The following FAM135B variants were observed in gnomAD, a reference collection of about 807,000 sequenced individuals.
FAM135B encodes family with sequence similarity 135 member B.
In FAM135B, 43 loss-of-function variants were observed where a neutral mutation model predicts 127.7. The ratio of observed to expected loss-of-function variants is 0.34; its 90% CI spans 0.26 to 0.43. The LOEUF (loss-of-function observed/expected upper bound fraction) is 0.43. FAM135B is among the 20% of genes least tolerant of loss of function. The pLI, the probability that FAM135B is intolerant of heterozygous loss-of-function variation, is 1.00. For synonymous variants in FAM135B, 670 were observed against 665.1 expected, an observed-to-expected ratio of 1.01 and a Z score of -0.11; for missense variants, 1,558 against 1,725.6, an observed-to-expected ratio of 0.90 and a Z score of 1.72.
chr8:138,132,856 A>T lies in FAM135B; in HGVS notation c.4016-58T>A. On this transcript the variant is annotated intron_variant, in intron 19 of 19. Coordinates refer to ENST00000395297, the MANE Select transcript of FAM135B (RefSeq NM_015912.4). This position sits in a 1 kb window ranked among gnomAD's most constrained non-coding sequence, Gnocchi z 4.5. ...TGCAGAAATTAGCAGTGGAATCTAG[A>T]GAACATCACTAGATGTGTGTCGAAA... The T allele has an allele frequency of 4.1e-6, 6 of 1,465,118 alleles. No individual in the cohort carries two copies. Among genetic ancestry groups the T allele is most frequent in the Non-Finnish European group, 5.7e-6 (6 of 1,045,890 alleles). 90.8% of individuals were successfully genotyped at this position (1,465,118 alleles called of 1,614,324 possible).
chr8:138,297,671 A>G (rs1825570815), intron 3 of FAM135B, among the ~76,000 whole-genome samples: 2 of 152,206 alleles, frequency 1.3e-5, no homozygotes, highest in African/African-American at 4.8e-5. Context: ...TGGGAGTATG[A>G]AGAGAAGGAG....
At chr8:138,426,418 T>C (rs954671903) in intron 1 of FAM135B, among the ~76,000 whole-genome samples, 1 of 151,614 alleles carries the variant, frequency 6.6e-6, no homozygotes, top group Admixed American at 6.6e-5. Context: ...TATTTAGCAA[T>C]ATCTACTAAA....
intron 1 of FAM135B, among the ~76,000 whole-genome samples, chr8:138,422,491 C>T (rs1834570684): frequency 6.6e-6 from 1 of 152,008 alleles, no homozygotes; most frequent in South Asian, 2.1e-4. Context: ...ATAAGACATA[C>T]CTGCAGCCAA....
intron 7 of FAM135B, among the ~76,000 whole-genome samples, chr8:138,207,717 T>C (rs1388801372): frequency 6.6e-6 from 1 of 152,174 alleles, no homozygotes; most frequent in African/African-American, 2.4e-5. Flanking sequence ...GGGACACCCA[T>C]TAGCATAATA....
At chr8:138,289,130 T>C (rs749757003) in intron 3 of FAM135B, among the ~76,000 whole-genome samples, 50 of 152,304 alleles carry the variant, frequency 3.3e-4, no homozygotes, top group Non-Finnish European at 5.4e-4. Context: ...TGGCCACAGG[T>C]CCAGTTTCTC....
At chr8:138,408,372 A>T (rs986979018) in intron 1 of FAM135B, among the ~76,000 whole-genome samples, 7 of 152,178 alleles carry the variant, frequency 4.6e-5, no homozygotes, top group African/African-American at 7.2e-5. Flanking sequence ...TTCACCTTGC[A>T]GTTTAATGTT....
chr8:138,148,392 A>G, intron 14 of FAM135B, 128 bp downstream of exon 14: 1 of 766,186 alleles, frequency 1.3e-6, no homozygotes, highest in East Asian at 2.9e-5. Context: ...GATTCATCAT[A>G]ATTACTGTCA....
chr8:138,232,579 G>A (rs1358888929), intron 7 of FAM135B, among the ~76,000 whole-genome samples: 1 of 152,080 alleles, frequency 6.6e-6, no homozygotes, highest in African/African-American at 2.4e-5. Context: ...TTATCTTGCA[G>A]GATTTTATTA....
chr8:138,311,771 G>T (rs1434925923), intron 2 of FAM135B, among the ~76,000 whole-genome samples: 1 of 152,094 alleles, frequency 6.6e-6, no homozygotes, highest in South Asian at 2.1e-4. Flanking sequence ...ACATACACTC[G>T]TAGAATGTTT....
intron 3 of FAM135B, among the ~76,000 whole-genome samples, chr8:138,297,705 G>A (rs1374395605): frequency 2.0e-5 from 3 of 152,194 alleles, no homozygotes; most frequent in Non-Finnish European, 4.4e-5. Context: ...CTGAGCAAAG[G>A]AAGGAATCTG....
chr8:138,186,913 C>T (rs1815635592), intron 9 of FAM135B, among the ~76,000 whole-genome samples: 1 of 152,162 alleles, frequency 6.6e-6, no homozygotes, highest in Non-Finnish European at 1.5e-5. Context: ...GCCCTGGGCC[C>T]ACCCCTTGGT....
chr8:138,245,516 C>T (rs539241043), intron 6 of FAM135B, among the ~76,000 whole-genome samples: 2 of 152,212 alleles, frequency 1.3e-5, no homozygotes, highest in East Asian at 1.9e-4. Flanking sequence ...TCCTTGCTGC[C>T]GCCATGTGCA....
At chr8:138,266,906 G>T (rs555582717) in intron 3 of FAM135B, among the ~76,000 whole-genome samples, 38 of 151,720 alleles carry the variant, frequency 2.5e-4, no homozygotes, top group Admixed American at 7.9e-4. Flanking sequence ...TTATAATAGG[G>T]AACAACTATA....
intron 1 of FAM135B, among the ~76,000 whole-genome samples, chr8:138,481,068 C>G (rs148984832): frequency 1.2e-4 from 19 of 152,352 alleles, no homozygotes; most frequent in Non-Finnish European, 2.2e-4. Flanking sequence ...CCTACTCTCC[C>G]TGTTAAAAGA....
intron 7 of FAM135B, among the ~76,000 whole-genome samples, chr8:138,214,716 A>G (rs1440738077): frequency 6.6e-6 from 1 of 152,170 alleles, no homozygotes; most frequent in Non-Finnish European, 1.5e-5. Context: ...AGGGAAAAAT[A>G]AAATTGATAC....
At chr8:138,481,640 G>A (rs1445811398) in intron 1 of FAM135B, among the ~76,000 whole-genome samples, 1 of 152,164 alleles carries the variant, frequency 6.6e-6, no homozygotes, top group African/African-American at 2.4e-5. Flanking sequence ...CCAGTTATGC[G>A]GCTGTAACAC....
intron 7 of FAM135B, among the ~76,000 whole-genome samples, chr8:138,222,445 T>C: frequency 6.6e-6 from 1 of 152,172 alleles, no homozygotes; most frequent in East Asian, 1.9e-4. Context: ...CAGGATATCA[T>C]CTGTTTTATT....
At chr8:138,381,308 T>A (rs1401317426) in intron 1 of FAM135B, among the ~76,000 whole-genome samples, 2 of 152,146 alleles carry the variant, frequency 1.3e-5, no homozygotes, top group Non-Finnish European at 2.9e-5. Context: ...TTGTTCAAGC[T>A]ATTATCTCCA....
At chr8:138,204,777 G>A (rs2129677147) in intron 7 of FAM135B, among the ~76,000 whole-genome samples, 1 of 152,078 alleles carries the variant, frequency 6.6e-6, no homozygotes, top group East Asian at 1.9e-4. Context: ...ACTTTGCCTG[G>A]GATAAACACT....
Sources: gnomAD v4.1 joint callset for allele counts (sites outside exome capture counted in the v4.1 genomes callset) on GRCh38, gnomAD v4.1.1 for gene constraint, Gnocchi (gnomAD v3.1) non-coding constraint, MANE v1.5 for transcripts, NCBI Gene and HGNC (gene_info 2026-07-23, HGNC 2026-07-21) for gene names.